Variants in F2RL1 observed in about 807,000 individuals in gnomAD.
The protein encoded by F2RL1 is proteinase-activated receptor 2.
Under a neutral mutation model 21.7 loss-of-function variants are expected in F2RL1, and 16 were observed. The ratio of observed to expected loss-of-function variants is 0.74; its 90% CI spans 0.50 to 1.12. The LOEUF is 1.12. Among genes scored for constraint, F2RL1 ranks in the 50% most tolerant of loss-of-function variants. The pLI is 0.00. For missense variants in F2RL1, 432 were observed against 477.8 expected (o/e 0.90, Z 0.89); for synonymous variants, 181 against 186.7 (o/e 0.97, Z 0.25).
At chr5:76,821,702 C>T (rs551620330) in intron 1 of F2RL1, among the ~76,000 whole-genome samples, 4 of 151,170 alleles carry the variant, frequency 2.6e-5, no homozygotes, top group Non-Finnish European at 5.9e-5. Context: ...GCTGCAGCCT[C>T]CCGAGTAGCT....
Position 76,834,155 on chromosome 5 carries a change from C to T in F2RL1, c.*354C>T. The T allele has an allele frequency of 1.4e-5, 2 of 145,524 alleles. No individual in the cohort carries two copies. The highest frequency in any genetic ancestry group is 2.8e-5 in the African/African-American group (1 of 35,350). The allele number at this position is 145,524 out of a possible 1,614,324, so 9.0% of individuals were successfully genotyped here. On this transcript the variant is annotated 3_prime_UTR_variant, in exon 2 of 2. Transcript: ENST00000296677. ...TATATATACACATATATATATTTTA[C>T]ATCTGGGATCATGATAGACTTGTTA... is the stretch of plus-strand genomic sequence containing the variant.
chr5:76,822,929 AAAATT>A lies in F2RL1; in HGVS notation c.82+3674_82+3678del, dbSNP rs536885961. 7.2e-3 allele frequency among the ~76,000 whole-genome samples: 1,096 copies of A among 152,194 alleles called. 13 individuals are homozygous for A. Among genetic ancestry groups the A allele is most frequent in the African/African-American group, 0.023 (962 of 41,532 alleles). On this transcript the variant is annotated intron_variant, in intron 1 of 1. Coordinates refer to ENST00000296677, the MANE Select transcript of F2RL1 (RefSeq NM_005242.6). ...CCACAAGAGGAGTATACTTAAAATA[AAAATT>A]AAATTAAAAGTTTTAGGCCAAGCGT... is the stretch of plus-strand genomic sequence containing the variant.
chr5:76,833,265 G>T lies in F2RL1; in HGVS notation c.658G>T (p.Ala220Ser). 1 of 1,613,342 alleles carries T rather than the reference G, an allele frequency of 6.2e-7. No individual in the cohort carries two copies. The stretch of plus-strand genomic sequence containing the variant: ...CGTGAAGCAGACCATCTTCATTCCT[G>T]CCCTGAACATCACGACCTGTCATGA... ...YVVKQTIFIP[A>S]LNITTCHDVL... Residue 220 changes from alanine to serine, a missense_variant, in exon 2 of 2, where the codon GCC becomes TCC. Transcript: ENST00000296677.
chr5:76,833,200 T>C lies in F2RL1; in HGVS notation c.593T>C (p.Ile198Thr), dbSNP rs1433053602. Residue 198 changes from isoleucine (I) to threonine (T), a missense_variant, in exon 2 of 2, where the codon ATA becomes ACA. Ile to Thr is a moderately conservative substitution (Grantham distance 89, BLOSUM62 -1). Transcript: ENST00000296677. ...ANIAIGISLAIWLLILLVTIP... is the reference protein window; with the variant it reads ...ANIAIGISLATWLLILLVTIP... Reference sequence around the variant, plus strand: ...ATTGCCATTGGCATCTCCCTGGCAATATGGCTGCTGATTCTGCTGGTCACC... The same window carrying C: ...ATTGCCATTGGCATCTCCCTGGCAACATGGCTGCTGATTCTGCTGGTCACC... 1 of 1,614,014 alleles carries C rather than the reference T, an allele frequency of 6.2e-7. No individual in the cohort carries two copies. The highest frequency in any genetic ancestry group is 1.7e-5 in the Admixed American group (1 of 60,012).
chr5:76,826,384 A>G (rs1750238997), intron 1 of F2RL1, among the ~76,000 whole-genome samples: 1 of 152,194 alleles, frequency 6.6e-6, no homozygotes, highest in Non-Finnish European at 1.5e-5. Context: ...GCAAACACTA[A>G]TCTACTTTCT....
rs374376742 is a variant in F2RL1, at chr5:76,827,424, G to A, written c.83-5266G>A. Among the ~76,000 whole-genome samples the A allele has an allele frequency of 1.0e-4, 15 of 150,744 alleles. No homozygotes were observed. In the South Asian group the frequency reaches 2.5e-3, roughly 26 times the overall value. On this transcript the variant is annotated intron_variant, in intron 1 of 1. Coordinates refer to ENST00000296677, the MANE Select transcript of F2RL1 (RefSeq NM_005242.6). ...TGAGGCAGGAGAATGGCATGAACCCGGGAGGCGGAGCTTGCGGTGAGCCGA... is the reference window on the plus strand; with the variant it reads ...TGAGGCAGGAGAATGGCATGAACCCAGGAGGCGGAGCTTGCGGTGAGCCGA...
At chr5:76,829,149 T>A (rs1750301023) in intron 1 of F2RL1, among the ~76,000 whole-genome samples, 2 of 152,078 alleles carry the variant, frequency 1.3e-5, no homozygotes, top group South Asian at 4.1e-4. Flanking sequence ...ATGGTTTGTT[T>A]GAATCAGGAT....
In F2RL1 at chr5:76,819,381, C is replaced by G. The variant is rs541925517; in HGVS notation, c.82+117C>G. The G allele has an allele frequency of 3.2e-4, 268 of 846,734 alleles. 2 individuals carry two copies. In the South Asian group the frequency reaches 4.4e-3, roughly 14 times the overall value. The allele number at this position is 846,734 out of a possible 1,614,324, so 52.5% of individuals were successfully genotyped here. A position where few individuals can be genotyped will look rare whatever the true frequency, so the allele number is the denominator to read the frequency against. On this transcript the variant is annotated intron_variant, in intron 1 of 1. Coordinates refer to ENST00000296677, the MANE Select transcript of F2RL1 (RefSeq NM_005242.6). Reference sequence around the variant, plus strand: ...AGGCTGTTCTGCTGCCGGCACCCATCTCTACGAATCCCTTAGCCTCCCCTT... The same window carrying G: ...AGGCTGTTCTGCTGCCGGCACCCATGTCTACGAATCCCTTAGCCTCCCCTT...
At chr5:76,823,206 G>A (rs1447686750) in intron 1 of F2RL1, among the ~76,000 whole-genome samples, 1 of 150,444 alleles carries the variant, frequency 6.6e-6, no homozygotes, top group East Asian at 2.0e-4. Context: ...CTCCAGCCGG[G>A]GCAACAGAGT....
At chr5:76,824,130 G>T (rs1004710773) in intron 1 of F2RL1, among the ~76,000 whole-genome samples, 1 of 150,460 alleles carries the variant, frequency 6.6e-6, no homozygotes, top group African/African-American at 2.4e-5. Flanking sequence ...CTTTTATAGG[G>T]GGGTAATTGA....
rs1750386665 is a variant in F2RL1, at chr5:76,833,297, GC to G, written c.692del (p.Pro231LeufsTer34). On this transcript the variant is annotated frameshift_variant, in exon 2 of 2. Transcript: ENST00000296677. LOFTEE classifies it high-confidence loss of function. ...ACATCACGACCTGTCATGATGTTTT[GC>G]CTGAGCAGCTCTTGGTGGGAGACAT... is the stretch of plus-strand genomic sequence containing the variant. ...LNITTCHDVL[P>X]EQLLVGDMFN... The G allele has an allele frequency of 6.2e-7, 1 of 1,613,560 alleles. No individual in the cohort carries two copies. Among genetic ancestry groups the G allele is most frequent in the Non-Finnish European group, 8.5e-7 (1 of 1,179,978 alleles).
chr5:76,832,162 G>T (rs755960525), intron 1 of F2RL1, among the ~76,000 whole-genome samples: 1 of 149,228 alleles, frequency 6.7e-6, no homozygotes, highest in Admixed American at 6.7e-5. Context: ...ACAACTCCCC[G>T]ATACAAAAAT....
chr5:76,819,146 G>A lies in F2RL1; in HGVS notation c.-37G>A, dbSNP rs769267070. ...TCTGAGTTTCGAATCGGCGGCGGCG[G>A]ATTCCCCGCGCGCCCGGCGTCGGGG... On this transcript the variant is annotated 5_prime_UTR_variant, in exon 1 of 2. Transcript: ENST00000296677. 1.0e-5 allele frequency: 16 copies of A among 1,542,596 alleles called. No homozygotes were observed. In the Admixed American group the frequency reaches 3.1e-4, roughly 30 times the overall value.
In F2RL1 at chr5:76,834,566, T is replaced by C. The variant is rs1343225255; in HGVS notation, c.*765T>C. ...CTGAGGCACAAGAATTGAGTATCAC[T>C]TTAACTCAGGAGGCAGAGGTTGCAG... On this transcript the variant is annotated 3_prime_UTR_variant, in exon 2 of 2. Coordinates refer to ENST00000296677, the MANE Select transcript of F2RL1 (RefSeq NM_005242.6). 6.6e-6 allele frequency: 1 copy of C among 152,192 alleles called. No individual in the cohort carries two copies. The highest frequency in any genetic ancestry group is 6.5e-5 in the Admixed American group (1 of 15,278). 9.4% of individuals were successfully genotyped at this position (152,192 alleles called of 1,614,324 possible).
At chr5:76,827,628 G>T (rs573239070) in intron 1 of F2RL1, among the ~76,000 whole-genome samples, 1 of 117,794 alleles carries the variant, frequency 8.5e-6, no homozygotes, top group Non-Finnish European at 1.6e-5. Flanking sequence ...TTTTTGAGAC[G>T]GAGTCATGCT....
At chr5:76,825,919 G>A (rs373715051) in intron 1 of F2RL1, among the ~76,000 whole-genome samples, 2 of 152,022 alleles carry the variant, frequency 1.3e-5, no homozygotes, top group African/African-American at 4.8e-5. Flanking sequence ...CTTTATTTTA[G>A]CATTCTTATT....
chr5:76,830,479 T>A (rs922034206), intron 1 of F2RL1, among the ~76,000 whole-genome samples: 2 of 152,152 alleles, frequency 1.3e-5, no homozygotes, highest in Admixed American at 1.3e-4. Context: ...GGTTTCACTA[T>A]GTTGGCCAGG....
intron 1 of F2RL1, among the ~76,000 whole-genome samples, chr5:76,831,678 C>T (rs961762061): frequency 2.0e-5 from 3 of 151,808 alleles, no homozygotes; most frequent in Admixed American, 6.6e-5. Flanking sequence ...GGATTACAGG[C>T]GCCTGCGCCT....
At chr5:76,820,262 G>C (rs1750107737) in intron 1 of F2RL1, among the ~76,000 whole-genome samples, 1 of 152,210 alleles carries the variant, frequency 6.6e-6, no homozygotes, top group Non-Finnish European at 1.5e-5. Context: ...ACCTGCGATC[G>C]CGCCACTGTG....
Sources: allele counts gnomAD v4.1 joint callset (sites outside exome capture counted in the v4.1 genomes callset), GRCh38; gene constraint gnomAD v4.1.1; transcripts MANE v1.5; gene names NCBI Gene and HGNC (gene_info 2026-07-23, HGNC 2026-07-21).